Variants in SETD2 observed in about 807,000 individuals in gnomAD.
SETD2 encodes the protein SET domain containing 2, histone lysine methyltransferase.
A neutral mutation model predicts 242.1 loss-of-function variants in SETD2; 31 were observed. That is an observed-to-expected ratio of 0.13 (90% CI 0.10 to 0.17). The LOEUF is 0.17. SETD2 is among the 10% of genes least tolerant of loss of function. SETD2 has a pLI of 1.00. For missense variants in SETD2, 2,481 were observed against 3,046.3 expected (o/e 0.81, Z 4.37); for synonymous variants, 1,006 against 1,066.5 (o/e 0.94, Z 1.11).
At chr3:47,069,782 G>A (rs2040738757) in intron 12 of SETD2, among the ~76,000 whole-genome samples, 1 of 152,176 alleles carries the variant, frequency 6.6e-6, no homozygotes, top group Non-Finnish European at 1.5e-5. Flanking sequence ...AATAAAGACA[G>A]GAAGGAGCAA....
At chr3:47,067,803 T>C (rs997691702) in intron 12 of SETD2, among the ~76,000 whole-genome samples, 3 of 152,110 alleles carry the variant, frequency 2.0e-5, no homozygotes, top group Non-Finnish European at 4.4e-5. Flanking sequence ...TTCAGAAAAA[T>C]TGTATGTGTA....
At chr3:47,025,270 T>C (rs921098441) in intron 18 of SETD2, among the ~76,000 whole-genome samples, 1 of 152,214 alleles carries the variant, frequency 6.6e-6, no homozygotes, top group Non-Finnish European at 1.5e-5. Flanking sequence ...CCTTACTCAC[T>C]TGTTTGCTAA....
chr3:47,076,430 G>T (rs779640836), intron 12 of SETD2, among the ~76,000 whole-genome samples: 1 of 152,154 alleles, frequency 6.6e-6, no homozygotes, highest in Non-Finnish European at 1.5e-5. Context: ...TTATATTTCC[G>T]AAAGATTGCT....
At chr3:47,084,483 G>T in intron 11 of SETD2, 101 bp from the exon 12 acceptor site, 1 of 788,694 alleles carries the variant, frequency 1.3e-6, no homozygotes, top group Non-Finnish European at 2.0e-6. Context: ...GGAATGCAAT[G>T]GCATGATCTT....
intron 15 of SETD2, 181 bp from the exon 16 acceptor site, chr3:47,046,802 A>G (rs1188053167): frequency 2.5e-6 from 1 of 406,364 alleles, no homozygotes; most frequent in Non-Finnish European, 4.3e-6. Context: ...TTCTTTTTTT[A>G]CTAATTCCCT....
intron 18 of SETD2, among the ~76,000 whole-genome samples, chr3:47,023,011 C>T (rs1268217386): frequency 6.6e-6 from 1 of 152,134 alleles, no homozygotes; most frequent in Non-Finnish European, 1.5e-5. Flanking sequence ...TGACTTGGAA[C>T]CAAGAGGGTA....
At chr3:47,033,751 T>C (rs1044283274) in intron 18 of SETD2, among the ~76,000 whole-genome samples, 1 of 145,500 alleles carries the variant, frequency 6.9e-6, no homozygotes, top group East Asian at 2.2e-4. Context: ...AACCCCCGTC[T>C]CCCGGGTTCA....
Position 47,016,894 on chromosome 3 carries a change from C to A in SETD2, c.*199G>T. 1 of 567,488 alleles carries A rather than the reference C, an allele frequency of 1.8e-6. No homozygotes were observed. The highest frequency in any genetic ancestry group is 3.1e-6 in the Non-Finnish European group (1 of 320,188). The allele number at this position is 567,488 out of a possible 1,614,324, so 35.2% of individuals were successfully genotyped here. On this transcript the variant is annotated 3_prime_UTR_variant, in exon 21 of 21. Transcript: ENST00000409792. ...CTGATGGCTTCTAACCACATGCCAA[C>A]AGCTCACAACTAGGTAATCACTTGT...
intron 5 of SETD2, among the ~76,000 whole-genome samples, chr3:47,106,725 T>C (rs1015440866): frequency 2.0e-5 from 3 of 150,848 alleles, no homozygotes; most frequent in Non-Finnish European, 2.9e-5. Context: ...GACAGGAGAA[T>C]TGCTTGAACC....
intron 2 of SETD2, 28 bp from the exon 3 acceptor site, chr3:47,124,576 T>A (rs2106730801): frequency 6.6e-7 from 1 of 1,506,950 alleles, no homozygotes. Context: ...AAGCAATTAC[T>A]ACTACAATAA....
intron 19 of SETD2, among the ~76,000 whole-genome samples, chr3:47,019,083 T>C (rs1184536655): frequency 2.0e-5 from 3 of 152,238 alleles, no homozygotes; most frequent in Non-Finnish European, 4.4e-5. Flanking sequence ...GTTTAGAACC[T>C]AGATGCTATG....
rs546165231 is a variant in SETD2, at chr3:47,100,417, C to T, written c.5015+1041G>A. 7.9e-5 allele frequency among the ~76,000 whole-genome samples: 12 copies of T among 152,082 alleles called. No homozygotes were observed. In the South Asian group the frequency reaches 1.7e-3, roughly 21 times the overall value. On this transcript the variant is annotated intron_variant, in intron 8 of 20. Transcript: ENST00000409792. ...CTGGGATTACAGGCGTGCGCCACCA[C>T]GCCCAGCTAATTTTTATATTTTTAG...
intron 13 of SETD2, among the ~76,000 whole-genome samples, chr3:47,065,004 G>C (rs1239274865): frequency 1.3e-5 from 2 of 151,966 alleles, no homozygotes; most frequent in Non-Finnish European, 2.9e-5. Flanking sequence ...ACAATAATTT[G>C]CAAATATCTA....
intron 18 of SETD2, among the ~76,000 whole-genome samples, chr3:47,022,225 A>ACACACACACACT (rs2038260989): frequency 6.7e-6 from 1 of 149,636 alleles, no homozygotes; most frequent in South Asian, 2.1e-4. Context: ...ACACACACAC[A>ACACACACACACT]CACACACAAA....
At chr3:47,124,697 T>C (rs2043256797) in intron 2 of SETD2, 149 bp from the exon 3 acceptor site, 2 of 661,494 alleles carry the variant, frequency 3.0e-6, no homozygotes, top group Non-Finnish European at 4.7e-6. Flanking sequence ...ATCTTTATTA[T>C]GAAAATTTTC....
rs1559744843 is a variant in SETD2 at position 47,121,784 on chromosome 3, T to C, written c.2852A>G (p.Asn951Ser). 2.5e-6 allele frequency: 4 copies of C among 1,614,164 alleles called. No homozygotes were observed. The highest frequency in any genetic ancestry group is 3.4e-6 in the Non-Finnish European group (4 of 1,180,008). ...KGFASRENRR[N>S]NGLSGKCLQE... ...CAAACATTTCCCAGATAACCCATTA[T>C]TACGCCTGTTCTCCCTGGAAGCAAA... is the stretch of plus-strand genomic sequence containing the variant. The change falls in exon 3 of 21, where the codon AAT becomes AGT. Residue 951 changes from asparagine to serine, a missense_variant. Coordinates refer to ENST00000409792, the MANE Select transcript of SETD2 (RefSeq NM_014159.7).
chr3:47,113,902 G>A lies in SETD2; in HGVS notation c.4689C>T (p.Gly1563=). The change falls in exon 5 of 21, where the codon GGC becomes GGT. Residue 1563 remains glycine (G), a synonymous_variant. Transcript: ENST00000409792. The part of the protein sequence containing the change: ...EVILTEKKGW[G]LRAAKDLPSN... The stretch of plus-strand genomic sequence containing the variant: ...AAGGAAGGTCTTTGGCAGCTCTCAA[G>A]CCCCAGCCTTTCTTTTCTGTGAGTA... The A allele has an allele frequency of 9.9e-6, 16 of 1,612,892 alleles. No individual in the cohort carries two copies. Among genetic ancestry groups the A allele is most frequent in the Non-Finnish European group, 1.4e-5 (16 of 1,179,578 alleles).
rs2039357832 is a variant in SETD2 at position 47,043,056 on chromosome 3, A to G, written c.7099-356T>C. Among the ~76,000 whole-genome samples the G allele has an allele frequency of 2.6e-5, 4 of 151,786 alleles. No individual in the cohort carries two copies. In the South Asian group the frequency reaches 8.3e-4, roughly 32 times the overall value. On this transcript the variant is annotated intron_variant, in intron 16 of 20. Coordinates refer to ENST00000409792, the MANE Select transcript of SETD2 (RefSeq NM_014159.7). ...TCTTTAAAAAAAAAAAAAAAGAAAAACCAAAAAACCCCCTGAGAAGCAAAT... is the reference window on the plus strand; with the variant it reads ...TCTTTAAAAAAAAAAAAAAAGAAAAGCCAAAAAACCCCCTGAGAAGCAAAT...
chr3:47,056,094 T>TTTTA (rs145910690), intron 15 of SETD2, among the ~76,000 whole-genome samples: 2,804 of 116,340 alleles, frequency 0.024, 106 homozygotes, highest in African/African-American at 0.071. Context: ...AAAACATGAT[T>TTTTA]TTTATTTATT....
Sources: allele counts gnomAD v4.1 joint callset (sites outside exome capture counted in the v4.1 genomes callset), GRCh38; gene constraint gnomAD v4.1.1; transcripts MANE v1.5; gene names NCBI Gene and HGNC (gene_info 2026-07-23, HGNC 2026-07-21).